The following MIA2 variants were observed in gnomAD, a reference collection of about 807,000 sequenced individuals.
MIA2 encodes the protein melanoma inhibitory activity protein 2.
In MIA2, 127 loss-of-function variants were observed where a neutral mutation model predicts 167.8. The observed-to-expected ratio is 0.76, with a 90% CI of 0.66 to 0.88. The LOEUF (loss-of-function observed/expected upper bound fraction) is 0.88, where lower values mean the gene tolerates loss of function less well. Among genes scored for constraint, MIA2 ranks in the 40% least tolerant of loss-of-function variants. The probability of loss-of-function intolerance (pLI) is 0.00; values close to 1 mark genes in which losing one functional copy is unlikely to be tolerated. For synonymous variants in MIA2, 552 were observed against 541.9 expected (o/e 1.02, Z -0.26); for missense variants, 1,690 against 1,624.7 (o/e 1.04, Z -0.69).
At chr14:39,370,419 C>A (rs1046336042) in intron 23 of MIA2, 2 of 238,592 alleles carry the variant, frequency 8.4e-6, no homozygotes, top group African/African-American at 2.3e-5. Context: ...CAGCCCCTGA[C>A]AAACTCTCCA....
Position 39,238,815 on chromosome 14 carries a change from A to G in MIA2, c.250-1746A>G, listed in dbSNP as rs1023412648. 7.6e-5 allele frequency among the ~76,000 whole-genome samples: 8 copies of G among 105,788 alleles called. 1 individual carries two copies. The highest frequency in any genetic ancestry group is 1.6e-4 in the Non-Finnish European group (8 of 49,782). 69.4% of individuals were successfully genotyped at this position (105,788 alleles called of 152,430 possible). On this transcript the variant is annotated intron_variant, in intron 2 of 28. Transcript: ENST00000640607. ...TCTCAAAAAAAAAAAAAAAAAACCC[A>G]AAAAACAAAAAAACCTAGCTGATAG...
At position 39,378,818 on chromosome 14, in the gene MIA2, C is replaced by CA. The variant is rs372922087; in HGVS notation, c.2249-8060dup. Among the ~76,000 whole-genome samples the CA allele has an allele frequency of 2.6e-4, 39 of 152,004 alleles. No individual in the cohort carries two copies. In the East Asian group the frequency reaches 7.3e-3, roughly 29 times the overall value. On this transcript the variant is annotated intron_variant, in intron 23 of 23. Transcript: ENST00000341502. ...TCTTGGACTTAAGGGTGCTTAATAC[C>CA]AAAAAAATTAATGAAGACCGAATTT...
intron 9 of MIA2, among the ~76,000 whole-genome samples, chr14:39,281,641 G>A (rs1483857152): frequency 1.4e-5 from 2 of 145,362 alleles, no homozygotes; most frequent in East Asian, 2.0e-4. Context: ...TTTTGGAGAC[G>A]GAGTTTCCCC....
intron 23 of MIA2, among the ~76,000 whole-genome samples, chr14:39,378,167 C>T (rs2075080391): frequency 1.3e-5 from 2 of 152,192 alleles, no homozygotes; most frequent in South Asian, 4.1e-4. Flanking sequence ...AAATTTTTCT[C>T]ATAAGAGTAT....
intron 25 of MIA2, among the ~76,000 whole-genome samples, chr14:39,339,073 CA>C (rs2071163599): frequency 6.6e-6 from 1 of 152,154 alleles, no homozygotes; most frequent in African/African-American, 2.4e-5. Flanking sequence ...TTCAGATCAT[CA>C]GGCATTAGTT....
At chr14:39,242,051 C>A (rs2054067875) in intron 3 of MIA2, among the ~76,000 whole-genome samples, 1 of 152,168 alleles carries the variant, frequency 6.6e-6, no homozygotes, top group African/African-American at 2.4e-5. Flanking sequence ...ACATCAGTGC[C>A]TCCTAGGAAA....
At chr14:39,264,335 C>T (rs892907824) in intron 6 of MIA2, among the ~76,000 whole-genome samples, 2 of 152,110 alleles carry the variant, frequency 1.3e-5, no homozygotes, top group African/African-American at 4.8e-5. Context: ...TTTTCTTTAT[C>T]CAATGCACCG....
intron 28 of MIA2, 140 bp downstream of exon 28, chr14:39,349,117 T>G: frequency 1.8e-6 from 2 of 1,139,962 alleles, no homozygotes; most frequent in Non-Finnish European, 2.5e-6. Flanking sequence ...TTCTCATTAC[T>G]TTTCCGAATT....
chr14:39,274,584 C>A (rs2057663206), intron 6 of MIA2, among the ~76,000 whole-genome samples: 1 of 150,850 alleles, frequency 6.6e-6, no homozygotes, highest in Admixed American at 6.6e-5. Flanking sequence ...CGCCACCATG[C>A]CCAGCTAATT....
intron 2 of MIA2, among the ~76,000 whole-genome samples, chr14:39,237,628 T>C (rs889868723): frequency 3.3e-5 from 5 of 152,202 alleles, no homozygotes; most frequent in African/African-American, 1.2e-4. Context: ...TATTTTTACA[T>C]AGCATGCATT....
chr14:39,311,039 T>C (rs2064147134), intron 18 of MIA2, among the ~76,000 whole-genome samples: 1 of 152,176 alleles, frequency 6.6e-6, no homozygotes, highest in Non-Finnish European at 1.5e-5. Context: ...AAAAAAAGTA[T>C]ATGGTTGATT....
At chr14:39,290,760 T>G (rs1354855986) in intron 9 of MIA2, among the ~76,000 whole-genome samples, 1 of 152,224 alleles carries the variant, frequency 6.6e-6, no homozygotes, top group Admixed American at 6.5e-5. Flanking sequence ...GTTATAGTCC[T>G]ATGTTCTCTG....
chr14:39,253,211 A>G, intron 6 of MIA2, 40 bp downstream of exon 6: 2 of 1,600,918 alleles, frequency 1.2e-6, no homozygotes, highest in East Asian at 2.2e-5. Flanking sequence ...AATTTTACCT[A>G]TTTTGCTAAA....
chr14:39,335,825 A>C (rs534857695), intron 25 of MIA2, among the ~76,000 whole-genome samples: 49 of 152,128 alleles, frequency 3.2e-4, no homozygotes, highest in Non-Finnish European at 6.5e-4. Flanking sequence ...ATGTGTACCC[A>C]GTGTTTAGCT....
intron 6 of MIA2, among the ~76,000 whole-genome samples, chr14:39,259,625 G>T (rs1382221981): frequency 6.6e-6 from 1 of 151,318 alleles, no homozygotes; most frequent in East Asian, 1.9e-4. Flanking sequence ...CAGCCTGCTG[G>T]GCTGAAGCAA....
At chr14:39,285,828 C>T (rs1481389336) in intron 9 of MIA2, among the ~76,000 whole-genome samples, 2 of 151,714 alleles carry the variant, frequency 1.3e-5, no homozygotes, top group Non-Finnish European at 2.9e-5. Flanking sequence ...CAGAGACGCT[C>T]CTCACCTCCC....
intron 23 of MIA2, among the ~76,000 whole-genome samples, chr14:39,376,362 G>A (rs1190927577): frequency 6.6e-6 from 1 of 152,110 alleles, no homozygotes; most frequent in Non-Finnish European, 1.5e-5. Flanking sequence ...AAATTATTGT[G>A]TCATGCTGTG....
intron 7 of MIA2, among the ~76,000 whole-genome samples, chr14:39,277,697 TA>T (rs2058264716): frequency 1.6e-4 from 1 of 6,188 alleles, no homozygotes; most frequent in African/African-American, 1.3e-3. Context: ...TGTGTGTATA[TA>T]TATATATATA....
At chr14:39,311,836 G>GTTT (rs34526208) in intron 18 of MIA2, among the ~76,000 whole-genome samples, 1,211 of 96,630 alleles carry the variant, frequency 0.013, 4 homozygotes, top group Middle Eastern at 0.021. Flanking sequence ...GTGTGTGTGT[G>GTTT]TTTTTTTTTT....
Sources: gnomAD v4.1 joint callset for allele counts (sites outside exome capture counted in the v4.1 genomes callset) on GRCh38, gnomAD v4.1.1 for gene constraint, MANE v1.5 for transcripts, NCBI Gene and HGNC (gene_info 2026-07-23, HGNC 2026-07-21) for gene names.